Variants in SRGAP1 observed in about 807,000 individuals in gnomAD.
SRGAP1 encodes SLIT-ROBO Rho GTPase-activating protein 1.
In SRGAP1, 43 loss-of-function variants were observed where a neutral mutation model predicts 121.9. The observed-to-expected ratio is 0.35, with a 90% CI of 0.28 to 0.46. The LOEUF (loss-of-function observed/expected upper bound fraction) is 0.46. SRGAP1 is among the 20% of genes least tolerant of loss of function. The pLI is 1.00. For synonymous variants in SRGAP1, 447 were observed against 485.4 expected (o/e 0.92, Z 1.04); for missense variants, 1,102 against 1,350.9 (o/e 0.82, Z 2.89).
rs1021626351 is a variant in SRGAP1 at position 64,122,511 on chromosome 12, A to G, written c.2225-3466A>G. On this transcript the variant is annotated intron_variant, in intron 18 of 21. Coordinates refer to ENST00000355086, the MANE Select transcript of SRGAP1 (RefSeq NM_020762.4). ...TACTAGTTGATGTACTAGGATTGCC[A>G]ATAAAATGTTCTGCTGATTTATCTG... 3.9e-5 allele frequency among the ~76,000 whole-genome samples: 6 copies of G among 152,346 alleles called. No individual in the cohort carries two copies. The South Asian group carries it at 1.2e-3, about 32-fold the overall frequency.
At chr12:64,061,615 T>C (rs529248382) in intron 6 of SRGAP1, among the ~76,000 whole-genome samples, 2 of 152,312 alleles carry the variant, frequency 1.3e-5, no homozygotes, top group South Asian at 4.1e-4. Context: ...CTGAGAGTTG[T>C]ATATCCATCA....
chr12:64,034,288 C>T (rs1219928687), intron 4 of SRGAP1, among the ~76,000 whole-genome samples: 1 of 152,118 alleles, frequency 6.6e-6, no homozygotes, highest in Non-Finnish European at 1.5e-5. Context: ...CTTCCTCCTT[C>T]TCTGGACACA....
chr12:63,966,941 C>T (rs763770624), intron 1 of SRGAP1, among the ~76,000 whole-genome samples: 1 of 152,154 alleles, frequency 6.6e-6, no homozygotes. Flanking sequence ...AATGATTAAC[C>T]CTTTTTTTCC....
rs1394601896 is a variant in SRGAP1 at position 63,948,868 on chromosome 12, CAT to C, written c.68-35070_68-35069del. 8.3e-4 allele frequency among the ~76,000 whole-genome samples: 85 copies of C among 102,820 alleles called. 2 individuals are homozygous for C. Among genetic ancestry groups the C allele is most frequent in the African/African-American group, 3.1e-3 (77 of 24,934 alleles). 67.5% of individuals were successfully genotyped at this position (102,820 alleles called of 152,430 possible). The stretch of plus-strand genomic sequence containing the variant: ...ATATATTTTCCATATATATATATTC[CAT>C]ATATATATTTTCCATATATATATAT... On this transcript the variant is annotated intron_variant, in intron 1 of 21. Transcript: ENST00000355086.
chr12:63,917,640 G>A (rs2030847087), intron 1 of SRGAP1, among the ~76,000 whole-genome samples: 1 of 152,226 alleles, frequency 6.6e-6, no homozygotes. Context: ...GTTTTAAAAG[G>A]ATATATTATA....
chr12:64,057,455 G>T (rs2035364580), intron 6 of SRGAP1, among the ~76,000 whole-genome samples: 1 of 152,132 alleles, frequency 6.6e-6, no homozygotes, highest in Admixed American at 6.6e-5. Context: ...ATTCTGTATA[G>T]TTAGGAAAAT....
chr12:63,935,200 G>T (rs1489755250), intron 1 of SRGAP1, among the ~76,000 whole-genome samples: 1 of 152,184 alleles, frequency 6.6e-6, no homozygotes, highest in Non-Finnish European at 1.5e-5. Flanking sequence ...ATGAGCCCAT[G>T]AAGTCATATG....
At chr12:63,846,568 T>C (rs1898908801) in intron 1 of SRGAP1, among the ~76,000 whole-genome samples, 1 of 152,228 alleles carries the variant, frequency 6.6e-6, no homozygotes, top group South Asian at 2.1e-4. Context: ...GTCTATCAAA[T>C]TCAAACGGAA....
chr12:64,018,878 A>G (rs1261200048), intron 4 of SRGAP1, among the ~76,000 whole-genome samples: 1 of 152,180 alleles, frequency 6.6e-6, no homozygotes, highest in Non-Finnish European at 1.5e-5. Flanking sequence ...TTAAAAGTTA[A>G]ATGACCTTTG....
chr12:63,877,672 ATGTCTTGAGGC>A (rs776457383), intron 1 of SRGAP1, among the ~76,000 whole-genome samples: 1 of 152,208 alleles, frequency 6.6e-6, no homozygotes, highest in Non-Finnish European at 1.5e-5. Flanking sequence ...ATAAAACTTT[ATGTCTTGAGGC>A]TAATTTAGAT....
Position 64,146,473 on chromosome 12 carries a change from A to G in SRGAP1, c.*3801A>G, listed in dbSNP as rs2037054265. 1 of 152,150 alleles carries G rather than the reference A, an allele frequency of 6.6e-6. No individual in the cohort carries two copies. The highest frequency in any genetic ancestry group is 2.4e-5 in the African/African-American group (1 of 41,426). The allele number at this position is 152,150 out of a possible 1,614,324, so 9.4% of individuals were successfully genotyped here. On this transcript the variant is annotated 3_prime_UTR_variant, in exon 22 of 22. Coordinates refer to ENST00000355086, the MANE Select transcript of SRGAP1 (RefSeq NM_020762.4). ...CATTTAGGAATGACATAGCCTCTGG[A>G]GTCTACAAACTGAAGAAACTTTCAT... is the stretch of plus-strand genomic sequence containing the variant.
In SRGAP1 at chr12:64,157,434, C is replaced by T. The variant is rs2037172078; in HGVS notation, c.*14762C>T. The T allele has an allele frequency of 6.6e-6, 1 of 151,656 alleles. No homozygotes were observed. Among genetic ancestry groups the T allele is most frequent in the Non-Finnish European group, 1.5e-5 (1 of 67,922 alleles). The allele number at this position is 151,656 out of a possible 1,614,324, so 9.4% of individuals were successfully genotyped here. ...TCCTTCCATTTTTTTGTCGCTGCCA[C>T]ACTGGAAATGGGATAGAATATCGTA... On this transcript the variant is annotated 3_prime_UTR_variant, in exon 22 of 22. Coordinates refer to ENST00000355086, the MANE Select transcript of SRGAP1 (RefSeq NM_020762.4).
chr12:64,062,899 GTT>G lies in SRGAP1; in HGVS notation c.802-17_802-16del. ...TTTTGCATTCATTTTTGTATGTGGT[GTT>G]CTTTTACTTTTTAAGTGCTGTGATC... is the stretch of plus-strand genomic sequence containing the variant. On this transcript the variant is annotated splice_polypyrimidine_tract_variant and intron_variant, in intron 6 of 21. Coordinates refer to ENST00000355086, the MANE Select transcript of SRGAP1 (RefSeq NM_020762.4). The G allele has an allele frequency of 6.3e-7, 1 of 1,592,516 alleles. No homozygotes were observed. Among genetic ancestry groups the G allele is most frequent in the Non-Finnish European group, 8.6e-7 (1 of 1,164,974 alleles).
intron 21 of SRGAP1, among the ~76,000 whole-genome samples, chr12:64,140,550 T>C (rs1485446753): frequency 6.6e-6 from 1 of 152,130 alleles, no homozygotes; most frequent in East Asian, 1.9e-4. Context: ...GTTTGTCTGT[T>C]GCAAATCAAA....
chr12:64,011,230 C>A (rs78323921), intron 3 of SRGAP1, among the ~76,000 whole-genome samples: 1 of 151,936 alleles, frequency 6.6e-6, no homozygotes, highest in Non-Finnish European at 1.5e-5. Context: ...ATGTAGCAAG[C>A]CTTTCAACAA....
At chr12:63,945,270 T>C (rs1038947656) in intron 1 of SRGAP1, among the ~76,000 whole-genome samples, 1 of 151,988 alleles carries the variant, frequency 6.6e-6, no homozygotes, top group Admixed American at 6.6e-5. Flanking sequence ...TCTGTTTGTT[T>C]TTTTTTTTTA....
chr12:64,028,571 C>T (rs1275532446), intron 4 of SRGAP1, among the ~76,000 whole-genome samples: 1 of 152,214 alleles, frequency 6.6e-6, no homozygotes, highest in African/African-American at 2.4e-5. Flanking sequence ...TTTTCCAGTT[C>T]TAGAGCTGGG....
chr12:63,941,699 A>T (rs1430478865), intron 1 of SRGAP1, among the ~76,000 whole-genome samples: 1 of 151,096 alleles, frequency 6.6e-6, no homozygotes, highest in Non-Finnish European at 1.5e-5. Context: ...AAAGGACTTG[A>T]TCCTTTGAGT....
rs913727776 is a variant in SRGAP1, at chr12:63,868,588, C to T, written c.67+23705C>T. Among the ~76,000 whole-genome samples the T allele has an allele frequency of 2.0e-5, 3 of 152,136 alleles. 1 individual carries two copies. The highest frequency in any genetic ancestry group is 4.4e-5 in the Non-Finnish European group (3 of 68,010). ...TGTTGCCCAGGCTGGCCTTGAACTCCTGGGCTCAAGCGATATGCCAGCCTT... is the reference window on the plus strand; with the variant it reads ...TGTTGCCCAGGCTGGCCTTGAACTCTTGGGCTCAAGCGATATGCCAGCCTT... On this transcript the variant is annotated intron_variant, in intron 1 of 21. Coordinates refer to ENST00000355086, the MANE Select transcript of SRGAP1 (RefSeq NM_020762.4).
Sources: allele counts gnomAD v4.1 joint callset (sites outside exome capture counted in the v4.1 genomes callset), GRCh38; gene constraint gnomAD v4.1.1; transcripts MANE v1.5; gene names NCBI Gene and HGNC (gene_info 2026-07-23, HGNC 2026-07-21).